OTOF: variants seen among roughly 807,000 people sequenced by gnomAD.
OTOF encodes the protein fer-1-like family member 2.
OTOF carries 218 observed loss-of-function variants against 236.8 expected under a neutral mutation model. The ratio of observed to expected loss-of-function variants is 0.92; its 90% confidence interval spans 0.82 to 1.03. The LOEUF is 1.03. Ranked by LOEUF, OTOF falls within the 50% of genes least tolerant of loss-of-function variation. The probability of loss-of-function intolerance (pLI) is 0.00; values close to 1 mark genes in which losing one functional copy is unlikely to be tolerated. For synonymous variants in OTOF, 1,041 were observed against 1,072.5 expected (o/e 0.97, Z 0.57); for missense variants, 2,590 against 2,694.4 (o/e 0.96, Z 0.86).
intron 30 of OTOF, among the ~76,000 whole-genome samples, chr2:26,471,860 C>T (rs1011010653): frequency 9.2e-5 from 14 of 151,542 alleles, no homozygotes; most frequent in African/African-American, 3.4e-4. Context: ...CACATGCACA[C>T]ATGCACATAT....
intron 6 of OTOF, 35 bp downstream of exon 6, chr2:26,503,737 G>T: frequency 6.3e-7 from 1 of 1,586,744 alleles, no homozygotes; most frequent in Non-Finnish European, 8.7e-7. Flanking sequence ...GCCGCGAGGC[G>T]CGGGGCTGCG....
In OTOF at chr2:26,475,429, T is replaced by C. The variant is rs772741047; in HGVS notation, c.3056A>G (p.Tyr1019Cys). Residue 1019 changes from tyrosine to cysteine, a missense_variant, in exon 25 of 47, where the codon TAT becomes TGT. Tyr to Cys is a radical substitution (Grantham distance 194). This residue lies in a region of OTOF where 1,211 missense variants were observed against 1,352.8 expected (regional missense o/e 0.90). Transcript: ENST00000272371. ...QMLVFDNLELYGEAHELRDDP... is the reference protein window; with the variant it reads ...QMLVFDNLELCGEAHELRDDP... ...GTCCCTCAGCTCATGAGCTTCACCATAGAGCTCCAGGTTGTCGAACACCAG... is the reference window on the plus strand; with the variant it reads ...GTCCCTCAGCTCATGAGCTTCACCACAGAGCTCCAGGTTGTCGAACACCAG... 1.2e-5 allele frequency: 20 copies of C among 1,612,554 alleles called. No individual in the cohort carries two copies. Among genetic ancestry groups the C allele is most frequent in the Admixed American group, 3.3e-5 (2 of 59,990 alleles).
intron 2 of OTOF, among the ~76,000 whole-genome samples, chr2:26,536,838 A>G (rs145752837): frequency 6.9e-4 from 105 of 152,300 alleles, no homozygotes; most frequent in African/African-American, 2.5e-3. Flanking sequence ...GAGAACCTAC[A>G]GCAGCCAGAG....
chr2:26,506,146 G>T (rs1395249583), intron 5 of OTOF, among the ~76,000 whole-genome samples: 4 of 152,184 alleles, frequency 2.6e-5, no homozygotes, highest in African/African-American at 9.7e-5. Flanking sequence ...AGCTTCAGAA[G>T]TGTAGTTTTT....
At chr2:26,525,688 A>C (rs1666784626) in intron 3 of OTOF, among the ~76,000 whole-genome samples, 1 of 152,042 alleles carries the variant, frequency 6.6e-6, no homozygotes. Flanking sequence ...AATGGATGGA[A>C]GAATGAAAGG....
At chr2:26,500,944 A>T (rs1444280989) in intron 8 of OTOF, among the ~76,000 whole-genome samples, 4 of 152,154 alleles carry the variant, frequency 2.6e-5, no homozygotes, top group Non-Finnish European at 5.9e-5. Flanking sequence ...CCCAGGACAG[A>T]AGTGCAGTGG....
In OTOF at chr2:26,519,000, G is replaced by T. The variant is rs377042002; in HGVS notation, c.327+10C>A. On this transcript the variant is annotated intron_variant, in intron 4 of 46. Transcript: ENST00000272371. The stretch of plus-strand genomic sequence containing the variant: ...TGGGAAAGTCCAGGAACTCCGTGGG[G>T]CATACCCACCTTGATGATAGCATTG... 49 of 1,590,756 alleles carry T rather than the reference G, an allele frequency of 3.1e-5. No homozygotes were observed. In the African/African-American group the frequency reaches 6.0e-4, roughly 20 times the overall value.
At chr2:26,458,761 T>C (rs1664312390) in intron 46 of OTOF, among the ~76,000 whole-genome samples, 1 of 152,182 alleles carries the variant, frequency 6.6e-6, no homozygotes, top group South Asian at 2.1e-4. Context: ...TCGTTTGTGT[T>C]ATAAAAACAA....
chr2:26,462,607 G>C lies in OTOF; in HGVS notation c.5193-426C>G, dbSNP rs190611949. Reference sequence around the variant, plus strand: ...TGAGTCATTCACTAAAAATTGATCTGAGCATGGCTCTCCTGGGATTGCAGA... The same window carrying C: ...TGAGTCATTCACTAAAAATTGATCTCAGCATGGCTCTCCTGGGATTGCAGA... On this transcript the variant is annotated intron_variant, in intron 41 of 46. Coordinates refer to ENST00000272371, the MANE Select transcript of OTOF (RefSeq NM_194248.3). The surrounding 1 kb of genome is among the most constrained non-coding windows in gnomAD (Gnocchi z 4.7). 1.3e-5 allele frequency among the ~76,000 whole-genome samples: 2 copies of C among 152,230 alleles called. No individual in the cohort carries two copies. Among genetic ancestry groups the C allele is most frequent in the Non-Finnish European group, 2.9e-5 (2 of 68,036 alleles).
intron 3 of OTOF, among the ~76,000 whole-genome samples, chr2:26,519,816 G>A (rs1363122431): frequency 2.6e-5 from 4 of 152,220 alleles, no homozygotes; most frequent in Non-Finnish European, 5.9e-5. Flanking sequence ...TGTTGTTGGA[G>A]GACTGAATGA....
rs564256993 is a variant in OTOF, at chr2:26,533,303, G to A, written c.138+4413C>T. Among the ~76,000 whole-genome samples, 4 of 152,302 alleles carry A rather than the reference G, an allele frequency of 2.6e-5. No homozygotes were observed. The South Asian group carries it at 8.3e-4, about 32-fold the overall frequency. On this transcript the variant is annotated intron_variant, in intron 2 of 46. Coordinates refer to ENST00000272371, the MANE Select transcript of OTOF (RefSeq NM_194248.3). ...GAAACCAGCCCCTGGTGCCAAAAAG[G>A]TTGGGGACTGCTGCTTTAGAGTACA...
Position 26,477,612 on chromosome 2 carries a change from C to T in OTOF, c.2315+37G>A. On this transcript the variant is annotated intron_variant, in intron 19 of 46. Coordinates refer to ENST00000272371, the MANE Select transcript of OTOF (RefSeq NM_194248.3). This position sits in a 1 kb window ranked among gnomAD's most constrained non-coding sequence, Gnocchi z 4.7. ...CAGGGTCCCCTTTGTCCAGTTCCGC[C>T]TCATCCTCCCCCCACCTGCCGCCCC... is the stretch of plus-strand genomic sequence containing the variant. 3.7e-6 allele frequency: 6 copies of T among 1,610,888 alleles called. No individual in the cohort carries two copies. The highest frequency in any genetic ancestry group is 1.1e-5 in the South Asian group (1 of 90,934).
rs55676840 is a variant in OTOF at position 26,480,866 on chromosome 2, C to T, written c.1723G>A (p.Val575Met). The T allele has an allele frequency of 0.012, 19,372 of 1,613,016 alleles. 194 individuals are homozygous for T. Among genetic ancestry groups the T allele is most frequent in the South Asian group, 0.038 (3,466 of 91,080 alleles). ...GGGTTGGAGGTGTCTACGATCTCCA[C>T]AGCCAGGCCCAGCAGGAGCCGGGCC... is the stretch of plus-strand genomic sequence containing the variant. Reference protein sequence around the residue: ...FRARLLLGLAVEIVDTSNPEL... With the variant: ...FRARLLLGLAMEIVDTSNPEL... The change falls in exon 15 of 47, where the codon GTG becomes ATG. Residue 575 changes from valine to methionine, a missense_variant. By Grantham distance (21) the Val-to-Met change is conservative. This residue lies in a region of OTOF where 1,379 missense variants were observed against 1,341.6 expected (regional missense o/e 1.03). Transcript: ENST00000272371.
chr2:26,528,805 G>C (rs1427951851), intron 2 of OTOF, among the ~76,000 whole-genome samples: 1 of 152,230 alleles, frequency 6.6e-6, no homozygotes, highest in African/African-American at 2.4e-5. Flanking sequence ...GGGAAAGGTG[G>C]GAAGAATTCT....
Position 26,495,079 on chromosome 2 carries a change from G to A in OTOF, c.766-6C>T. ...TCGATCACCGTGATGCTGACCTGCA[G>A]GCAGGAGAAGGGGGAGCCAGAAGGA... On this transcript the variant is annotated splice_region_variant and splice_polypyrimidine_tract_variant and intron_variant, in intron 8 of 46. Transcript: ENST00000272371. 6.2e-7 allele frequency: 1 copy of A among 1,614,136 alleles called. No individual in the cohort carries two copies. Among genetic ancestry groups the A allele is most frequent in the Non-Finnish European group, 8.5e-7 (1 of 1,180,024 alleles).
At chr2:26,500,210 C>T (rs1346630995) in intron 8 of OTOF, among the ~76,000 whole-genome samples, 1 of 152,234 alleles carries the variant, frequency 6.6e-6, no homozygotes. Flanking sequence ...GGGACAAGTT[C>T]CTGACCTTCC....
chr2:26,553,276 CT>C (rs1667507168), intron 1 of OTOF, among the ~76,000 whole-genome samples: 1 of 152,154 alleles, frequency 6.6e-6, no homozygotes, highest in South Asian at 2.1e-4. Flanking sequence ...TGGAACTTGG[CT>C]GCAATTCTCC....
intron 31 of OTOF, 66 bp downstream of exon 31, chr2:26,471,055 G>T: frequency 6.3e-7 from 1 of 1,581,396 alleles, no homozygotes; most frequent in Non-Finnish European, 8.7e-7. Context: ...TGGACCCTTT[G>T]GCCTGACATC....
At chr2:26,482,324 G>T in intron 14 of OTOF, 82 bp downstream of exon 14, 1 of 1,316,230 alleles carries the variant, frequency 7.6e-7, no homozygotes, top group Non-Finnish European at 1.1e-6. Flanking sequence ...TGACGGTGGT[G>T]TGAAGAGAGG....
Sources: allele counts gnomAD v4.1 joint callset (sites outside exome capture counted in the v4.1 genomes callset), GRCh38; gene constraint gnomAD v4.1.1; regional missense constraint gnomAD v4.1.1; non-coding constraint Gnocchi (gnomAD v3.1); transcripts MANE v1.5; gene names NCBI Gene and HGNC (gene_info 2026-07-23, HGNC 2026-07-21).